Variants in FGF14 observed in about 807,000 individuals in gnomAD.
FGF14 encodes fibroblast growth factor 14.
FGF14 carries 5 observed loss-of-function variants against 25.5 expected under a neutral mutation model. That is an observed-to-expected ratio of 0.20 (90% CI 0.10 to 0.41). The LOEUF is 0.41. Ranked by LOEUF, FGF14 falls within the 10% of genes least tolerant of loss-of-function variation. FGF14 has a pLI of 1.00. For synonymous variants in FGF14, 138 were observed against 118.3 expected (o/e 1.17, Z -1.08); for missense variants, 222 against 320.1 (o/e 0.69, Z 2.34).
chr13:101,994,144 T>G (rs2039054733), intron 1 of FGF14, among the ~76,000 whole-genome samples: 1 of 152,058 alleles, frequency 6.6e-6, no homozygotes, highest in Non-Finnish European at 1.5e-5. Context: ...TTAGCCAGTG[T>G]GTATGTACAT....
chr13:102,365,085 T>C (rs1023561256), intron 1 of FGF14, among the ~76,000 whole-genome samples: 2 of 152,218 alleles, frequency 1.3e-5, no homozygotes, highest in Non-Finnish European at 2.9e-5. Flanking sequence ...TTCCATGATC[T>C]AATTATTAAG....
chr13:102,019,758 T>C (rs1403047684), intron 1 of FGF14, among the ~76,000 whole-genome samples: 1 of 152,168 alleles, frequency 6.6e-6, no homozygotes, highest in Non-Finnish European at 1.5e-5. Context: ...ATATGTTCCA[T>C]TGCTTGTTTA....
chr13:102,167,711 A>AT (rs1283339112), intron 1 of FGF14, among the ~76,000 whole-genome samples: 1 of 151,990 alleles, frequency 6.6e-6, no homozygotes, highest in Admixed American at 6.6e-5. Flanking sequence ...TACAAGTGGG[A>AT]TTTTTTAGTT....
At chr13:102,369,202 C>A (rs1373542702) in intron 1 of FGF14, among the ~76,000 whole-genome samples, 1 of 152,170 alleles carries the variant, frequency 6.6e-6, no homozygotes, top group South Asian at 2.1e-4. Flanking sequence ...AAGCTCCTGA[C>A]ACTTTTTGGT....
intron 1 of FGF14, among the ~76,000 whole-genome samples, chr13:101,881,400 CCTTA>C (rs2045702550): frequency 6.6e-6 from 1 of 152,126 alleles, no homozygotes; most frequent in Non-Finnish European, 1.5e-5. Context: ...TATTGTCCCA[CCTTA>C]TTTATTCATC....
intron 1 of FGF14, among the ~76,000 whole-genome samples, chr13:102,010,351 C>T (rs1383135411): frequency 6.6e-6 from 1 of 152,030 alleles, no homozygotes; most frequent in Non-Finnish European, 1.5e-5. Flanking sequence ...AGGAAGAAGC[C>T]TCGAGCACAA....
chr13:102,346,123 A>C (rs958644043), intron 1 of FGF14, among the ~76,000 whole-genome samples: 3 of 152,190 alleles, frequency 2.0e-5, no homozygotes, highest in Non-Finnish European at 4.4e-5. Context: ...CAAATCCTGA[A>C]GTATTTTGGT....
chr13:101,820,537 T>C (rs1274291767), intron 3 of FGF14, among the ~76,000 whole-genome samples: 1 of 139,572 alleles, frequency 7.2e-6, no homozygotes, highest in Admixed American at 7.3e-5. Flanking sequence ...TTAATTTGAA[T>C]TAAAGCAATA....
chr13:101,811,419 T>C (rs2041502946), intron 3 of FGF14, among the ~76,000 whole-genome samples: 1 of 152,178 alleles, frequency 6.6e-6, no homozygotes, highest in Non-Finnish European at 1.5e-5. Flanking sequence ...CTAACATTCT[T>C]CCATGTCTTT....
intron 1 of FGF14, among the ~76,000 whole-genome samples, chr13:102,216,931 T>C (rs1208641642): frequency 6.6e-6 from 1 of 152,212 alleles, no homozygotes; most frequent in African/African-American, 2.4e-5. Flanking sequence ...ACCTGGCTGA[T>C]TTCACTTAAC....
chr13:101,740,090 C>G (rs188415810), intron 3 of FGF14, among the ~76,000 whole-genome samples: 2 of 152,300 alleles, frequency 1.3e-5, no homozygotes, highest in East Asian at 3.9e-4. Flanking sequence ...CAATCACAAC[C>G]CTTTCAGGTG....
intron 1 of FGF14, among the ~76,000 whole-genome samples, chr13:102,158,847 A>C (rs2140554509): frequency 6.6e-6 from 1 of 152,266 alleles, no homozygotes; most frequent in African/African-American, 2.4e-5. Context: ...TGCCACTATT[A>C]ACAACATTCG....
chr13:101,926,209 A>C (rs2034352066), intron 1 of FGF14, among the ~76,000 whole-genome samples: 1 of 152,298 alleles, frequency 6.6e-6, no homozygotes, highest in South Asian at 2.1e-4. Context: ...CTGTATCCAA[A>C]ACACACAGAA....
At chr13:102,249,241 A>C (rs141653665) in intron 1 of FGF14, among the ~76,000 whole-genome samples, 2 of 152,314 alleles carry the variant, frequency 1.3e-5, no homozygotes, top group African/African-American at 4.8e-5. Flanking sequence ...CTTACTTGAG[A>C]ACAAGCAAAA....
chr13:101,977,940 TAAA>T (rs10708269), intron 1 of FGF14, among the ~76,000 whole-genome samples: 6 of 137,840 alleles, frequency 4.4e-5, no homozygotes, highest in Admixed American at 7.1e-5. Flanking sequence ...TTTCTCAATG[TAAA>T]AAAAAAAAAA....
At chr13:102,264,453 G>A (rs1183671154) in intron 1 of FGF14, among the ~76,000 whole-genome samples, 2 of 152,106 alleles carry the variant, frequency 1.3e-5, no homozygotes, top group African/African-American at 2.4e-5. Context: ...CTATTAGATC[G>A]TCTGTGTTTT....
At chr13:102,103,009 G>T (rs546955050) in intron 1 of FGF14, among the ~76,000 whole-genome samples, 1 of 152,118 alleles carries the variant, frequency 6.6e-6, no homozygotes, top group African/African-American at 2.4e-5. Flanking sequence ...ACATCTGCCT[G>T]GCAAAATATT....
At chr13:101,905,019 T>C (rs1056552004) in intron 1 of FGF14, among the ~76,000 whole-genome samples, 2 of 152,232 alleles carry the variant, frequency 1.3e-5, no homozygotes, top group Non-Finnish European at 2.9e-5. Flanking sequence ...TTTAGTGGCT[T>C]ACTCCAAAAG....
At chr13:101,738,774 G>A (rs941725790) in intron 3 of FGF14, among the ~76,000 whole-genome samples, 1 of 151,798 alleles carries the variant, frequency 6.6e-6, no homozygotes, top group African/African-American at 2.4e-5. Flanking sequence ...GAATTATATT[G>A]TCTTACTTTC....
Sources: gnomAD v4.1 joint callset for allele counts (sites outside exome capture counted in the v4.1 genomes callset) on GRCh38, gnomAD v4.1.1 for gene constraint, MANE v1.5 for transcripts, NCBI Gene and HGNC (gene_info 2026-07-23, HGNC 2026-07-21) for gene names.